The following HTATSF1 variants were observed in gnomAD, a reference collection of about 807,000 sequenced individuals.
HTATSF1 encodes 17S U2 SnRNP complex component HTATSF1.
HTATSF1 carries 6 observed loss-of-function variants against 46.1 expected under a neutral mutation model. That is an observed-to-expected ratio of 0.13 (90% confidence interval 0.07 to 0.26). HTATSF1 has a LOEUF of 0.26. Ranked by LOEUF, HTATSF1 falls within the 10% of genes least tolerant of loss-of-function variation. The pLI is 1.00. For missense variants in HTATSF1, 452 were observed against 559.9 expected (o/e 0.81, Z 1.94); for synonymous variants, 226 against 211.5 (o/e 1.07, Z -0.60).
At position 136,502,789 on chromosome X, in the gene HTATSF1, G is replaced by A; in HGVS notation, c.582G>A (p.Val194=). The A allele has an allele frequency of 1.7e-6, 2 of 1,148,812 alleles. No individual in the cohort carries two copies. The highest frequency in any genetic ancestry group is 2.2e-5 in the South Asian group (1 of 46,097). 94.7% of individuals were successfully genotyped at this position (1,148,812 alleles called of 1,213,427 possible). ...GLCCYLKRES[V]ELALKLLDED... ...TTACATTTATAAAGAGAGAATCTGT[G>A]GAACTTGCATTAAAACTTTTGGATG... The change falls in exon 5 of 9, where the codon GTG becomes GTA. Residue 194 remains valine, a synonymous_variant. Transcript: ENST00000218364.
At chrX:136,500,879 A>T (rs1367453091) in intron 4 of HTATSF1, 61 bp downstream of exon 4, 4 of 805,018 alleles carry the variant, frequency 5.0e-6, no homozygotes, top group Non-Finnish European at 6.8e-6. Flanking sequence ...AACCAGGGCT[A>T]TAATTTCTAT....
In HTATSF1 at chrX:136,499,592, G is replaced by T; in HGVS notation, c.187-6G>T. 8.6e-7 allele frequency: 1 copy of T among 1,156,857 alleles called. No individual in the cohort carries two copies. On this transcript the variant is annotated splice_polypyrimidine_tract_variant and splice_region_variant and intron_variant, in intron 1 of 8. Transcript: ENST00000218364. Reference sequence around the variant, plus strand: ...TCTGTCCGGGTCTGTTGAATTGCTTGTGTAGATTACTGAAGATTTCATTGC... The same window carrying T: ...TCTGTCCGGGTCTGTTGAATTGCTTTTGTAGATTACTGAAGATTTCATTGC...
At chrX:136,505,811 CAAAG>C (rs1168514241) in intron 6 of HTATSF1, among the ~76,000 whole-genome samples, 2 of 111,387 alleles carry the variant, frequency 1.8e-5, no homozygotes, top group East Asian at 2.8e-4. Flanking sequence ...TAAAACAAAA[CAAAG>C]AACCAGATCA....
rs752470127 is a variant in HTATSF1, at chrX:136,510,964, A to T, written c.1219A>T (p.Ser407Cys). ...AGCAAGGCATTTTTCAGAGCACCCC[A>T]GCACATCTAAAATGAATGCTCAAGA... ...SRARHFSEHP[S>C]TSKMNAQETA... Residue 407 changes from serine (S) to cysteine (C), a missense_variant, in exon 9 of 9, where the codon AGC becomes TGC. By Grantham distance (112) the Ser-to-Cys change is moderately radical. Transcript: ENST00000218364. The T allele has an allele frequency of 8.3e-7, 1 of 1,210,047 alleles. No individual in the cohort carries two copies. Among genetic ancestry groups the T allele is most frequent in the African/African-American group, 1.7e-5 (1 of 57,236 alleles).
rs745911460 is a variant in HTATSF1 at position 136,497,777 on chromosome X, G to C, written c.93G>C (p.Gln31His). Reference protein sequence around the residue: ...LYGDGKDGDTQTDAGGEPDSL... With the variant: ...LYGDGKDGDTHTDAGGEPDSL... ...GAGACGGCAAGGATGGTGACACCCA[G>C]ACCGATGCCGGCGGAGAACCCGATT... The change falls in exon 1 of 9, where the codon CAG (glutamine) becomes CAC (histidine). Residue 31 changes from glutamine to histidine, a missense_variant. Around this residue, in one of 3 missense-constraint regions of HTATSF1, gnomAD observed 89 missense variants for 92.3 expected, o/e 0.96. Coordinates refer to ENST00000218364, the MANE Select transcript of HTATSF1 (RefSeq NM_014500.5). 6 of 1,205,013 alleles carry C rather than the reference G, an allele frequency of 5.0e-6. No homozygotes were observed. Among genetic ancestry groups the C allele is most frequent in the Non-Finnish European group, 6.7e-6 (6 of 890,461 alleles).
Position 136,511,720 on chromosome X carries a change from G to C in HTATSF1, c.1975G>C (p.Ala659Pro), listed in dbSNP as rs775831671. 4 of 1,211,854 alleles carry C rather than the reference G, an allele frequency of 3.3e-6. No individual in the cohort carries two copies. Among genetic ancestry groups the C allele is most frequent in the Non-Finnish European group, 4.5e-6 (4 of 895,478 alleles). Residue 659 changes from alanine to proline, a missense_variant, in exon 9 of 9, where the codon GCT becomes CCT. By Grantham distance (27) the Ala-to-Pro change is conservative (BLOSUM62 -1). Coordinates refer to ENST00000218364, the MANE Select transcript of HTATSF1 (RefSeq NM_014500.5). The stretch of plus-strand genomic sequence containing the variant: ...TGCAGATGAAAAGGGGCTTGAAGCT[G>C]CTGATAAAAAGGCGGAAGAAGGTGA... ...EYADEKGLEAADKKAEEGDAD... is the reference protein window; with the variant it reads ...EYADEKGLEAPDKKAEEGDAD...
rs758005961 is a variant in HTATSF1 at position 136,510,115 on chromosome X, C to T, written c.958C>T (p.Arg320Trp). Residue 320 changes from arginine (R) to tryptophan (W), a missense_variant, in exon 8 of 9, where the codon CGG (arginine) becomes TGG (tryptophan). By Grantham distance (101) the Arg-to-Trp change is moderately radical (BLOSUM62 -3). This residue lies in a region of HTATSF1 where 117 missense variants were observed against 222.2 expected (regional missense o/e 0.53). Transcript: ENST00000218364. ...HPDGVASVSF[R>W]DPEEADYCIQ... is the part of the protein sequence containing the mutation. ...AGATGGTGTGGCCTCTGTGTCCTTT[C>T]GGGATCCAGAGGAAGCTGATTATTG... 8 of 1,206,202 alleles carry T rather than the reference C, an allele frequency of 6.6e-6. No homozygotes were observed. The highest frequency in any genetic ancestry group is 4.4e-5 in the Admixed American group (2 of 45,823).
At chrX:136,509,821 G>A (rs749925779) in intron 7 of HTATSF1, among the ~76,000 whole-genome samples, 3 of 112,119 alleles carry the variant, frequency 2.7e-5, no homozygotes, top group East Asian at 5.6e-4. Context: ...CAATTATACT[G>A]TCCTGCTTCT....
chrX:136,500,925 G>T (rs745938389), intron 4 of HTATSF1, 107 bp downstream of exon 4: 4 of 487,042 alleles, frequency 8.2e-6, no homozygotes, highest in Non-Finnish European at 1.3e-5. Flanking sequence ...TTCAAAACAG[G>T]ATATGAAGAA....
chrX:136,500,601 A>G, intron 3 of HTATSF1, 63 bp from the exon 4 acceptor site: 7 of 719,716 alleles, frequency 9.7e-6, no homozygotes, highest in Non-Finnish European at 1.2e-5. Flanking sequence ...TAATTGGTAG[A>G]ATGCTAAGTA....
At chrX:136,507,035 C>T (rs2075745185) in intron 6 of HTATSF1, among the ~76,000 whole-genome samples, 1 of 112,267 alleles carries the variant, frequency 8.9e-6, no homozygotes, top group African/African-American at 3.2e-5. Context: ...CTGGTATAGA[C>T]ATTATATAAC....
At chrX:136,507,270 C>T (rs2075746304) in intron 6 of HTATSF1, among the ~76,000 whole-genome samples, 1 of 111,840 alleles carries the variant, frequency 8.9e-6, no homozygotes, top group Non-Finnish European at 1.9e-5. Flanking sequence ...AGCAACATAC[C>T]TAAGAATACT....
At chrX:136,504,193 A>G (rs1368941250) in intron 5 of HTATSF1, among the ~76,000 whole-genome samples, 171 bp from the exon 6 acceptor site, 2 of 112,476 alleles carry the variant, frequency 1.8e-5, no homozygotes, top group Non-Finnish European at 3.8e-5. Context: ...TTTTTATTTC[A>G]GAAAGTTTTC....
At chrX:136,509,266 A>G in intron 7 of HTATSF1, 86 bp downstream of exon 7, 1 of 619,465 alleles carries the variant, frequency 1.6e-6, no homozygotes, top group Non-Finnish European at 2.7e-6. Context: ...ATACCCCTGA[A>G]TTTTAGATTA....
At position 136,502,808 on chromosome X, in the gene HTATSF1, T is replaced by C. The variant is rs775144274; in HGVS notation, c.601T>C (p.Leu201=). The change falls in exon 5 of 9, where the codon TTG becomes CTG. Residue 201 remains leucine (L), a synonymous_variant. Transcript: ENST00000218364. ...RESVELALKL[L]DEDEIRGYKL... is the part of the protein sequence containing the mutation. ...ATCTGTGGAACTTGCATTAAAACTT[T>C]TGGATGAAGATGAAATTAGAGGCTA... The C allele has an allele frequency of 6.0e-6, 7 of 1,158,730 alleles. No individual in the cohort carries two copies. The Admixed American group carries it at 7.3e-5, about 12-fold the overall frequency.
Position 136,500,221 on chromosome X carries a change from T to A in HTATSF1, c.415+16T>A, listed in dbSNP as rs756390117. ...TACGTGTCTGGTATGTATAACTTTTTAAACAGGTTTAAGGTAGGAAATACT... is the reference window on the plus strand; with the variant it reads ...TACGTGTCTGGTATGTATAACTTTTAAAACAGGTTTAAGGTAGGAAATACT... On this transcript the variant is annotated intron_variant, in intron 3 of 8. Transcript: ENST00000218364. The A allele has an allele frequency of 9.8e-7, 1 of 1,019,746 alleles. No homozygotes were observed. Among genetic ancestry groups the A allele is most frequent in the Admixed American group, 2.4e-5 (1 of 42,203 alleles). The allele number at this position is 1,019,746 out of a possible 1,213,427, so 84.0% of individuals were successfully genotyped here. A position where few individuals can be genotyped will look rare whatever the true frequency, so the allele number is the denominator to read the frequency against.
chrX:136,498,319 C>T (rs1201958280), intron 1 of HTATSF1, among the ~76,000 whole-genome samples: 2 of 111,761 alleles, frequency 1.8e-5, no homozygotes, highest in African/African-American at 6.5e-5. Flanking sequence ...TTTCTTTGCA[C>T]CTTGCTTTAC....
chrX:136,498,707 T>C (rs2035689672), intron 1 of HTATSF1, among the ~76,000 whole-genome samples: 1 of 112,777 alleles, frequency 8.9e-6, no homozygotes, highest in Non-Finnish European at 1.9e-5. Flanking sequence ...CCCTCCAGAT[T>C]GTTAAAATTT....
Position 136,512,001 on chromosome X carries a change from C to T in HTATSF1, c.2256C>T (p.Asp752=), listed in dbSNP as rs34882252. 4.8e-5 allele frequency: 57 copies of T among 1,198,966 alleles called. No homozygotes were observed. The highest frequency in any genetic ancestry group is 2.3e-4 in the Admixed American group (10 of 44,263). The change falls in exon 9 of 9, where the codon GAC becomes GAT. Residue 752 remains aspartate (D), a synonymous_variant. Transcript: ENST00000218364. The part of the protein sequence containing the change: ...SSFILSSDDD[D]DDI ...TTATTCTCAGTAGCGATGATGATGA[C>T]GATGATATTTAATCCCTTAAACTTG...
Sources: allele counts gnomAD v4.1 joint callset (sites outside exome capture counted in the v4.1 genomes callset), GRCh38; gene constraint gnomAD v4.1.1; regional missense constraint gnomAD v4.1.1; transcripts MANE v1.5; gene names NCBI Gene and HGNC (gene_info 2026-07-23, HGNC 2026-07-21).